SLC16A10: variants seen among roughly 807,000 people sequenced by gnomAD.
SLC16A10 encodes solute carrier family 16 member 10.
A neutral mutation model predicts 40.0 loss-of-function variants in SLC16A10; 27 were observed. That is an observed-to-expected ratio of 0.67 (90% confidence interval 0.50 to 0.93). The LOEUF is 0.93. Ranked by LOEUF, SLC16A10 falls within the 40% of genes least tolerant of loss-of-function variation. The pLI, the probability that SLC16A10 is intolerant of heterozygous loss-of-function variation, is 0.00. For missense variants in SLC16A10, 529 were observed against 658.2 expected (o/e 0.80, Z 2.15); for synonymous variants, 213 against 249.8 (o/e 0.85, Z 1.39).
Position 111,126,390 on chromosome 6 carries a change from G to A in SLC16A10, c.343+38295G>A, listed in dbSNP as rs558090033. Among the ~76,000 whole-genome samples, 4 of 152,212 alleles carry A rather than the reference G, an allele frequency of 2.6e-5. 1 individual carries two copies. The South Asian group carries it at 8.3e-4, about 32-fold the overall frequency. ...CTTTTTCACACTAATCCTTTGATTA[G>A]CTTCTTCTTATAGTTCATGCTTGTA... On this transcript the variant is annotated intron_variant, in intron 1 of 5. Coordinates refer to ENST00000368851, the MANE Select transcript of SLC16A10 (RefSeq NM_018593.5).
intron 1 of SLC16A10, among the ~76,000 whole-genome samples, chr6:111,120,607 G>A (rs1771565866): frequency 6.6e-6 from 1 of 152,050 alleles, no homozygotes; most frequent in Non-Finnish European, 1.5e-5. Flanking sequence ...TAGTTATCTT[G>A]TGAACTGGTA....
chr6:111,100,832 A>G (rs796120703), intron 1 of SLC16A10, among the ~76,000 whole-genome samples: 82 of 151,902 alleles, frequency 5.4e-4, no homozygotes, highest in African/African-American at 1.9e-3. Context: ...TAACTGATGC[A>G]TGTATGCATA....
At chr6:111,136,122 A>G (rs1476773817) in intron 1 of SLC16A10, among the ~76,000 whole-genome samples, 1 of 152,244 alleles carries the variant, frequency 6.6e-6, no homozygotes, top group African/African-American at 2.4e-5. Flanking sequence ...AAGGAAACTC[A>G]GAAAGCCAAT....
chr6:111,122,769 G>C (rs990932129), intron 1 of SLC16A10, among the ~76,000 whole-genome samples: 14 of 152,092 alleles, frequency 9.2e-5, no homozygotes, highest in Non-Finnish European at 1.6e-4. Context: ...GATGAGAAGC[G>C]ACCTCCTTAG....
intron 1 of SLC16A10, among the ~76,000 whole-genome samples, chr6:111,117,697 C>A (rs1398158817): frequency 6.6e-6 from 1 of 152,200 alleles, no homozygotes; most frequent in Non-Finnish European, 1.5e-5. Context: ...AATTAACTCA[C>A]AGCTGCCATC....
At chr6:111,169,561 A>G (rs1772543736) in intron 1 of SLC16A10, among the ~76,000 whole-genome samples, 1 of 152,244 alleles carries the variant, frequency 6.6e-6, no homozygotes, top group African/African-American at 2.4e-5. Flanking sequence ...CGTGGAAGAG[A>G]AGAAAAGCAG....
intron 1 of SLC16A10, among the ~76,000 whole-genome samples, chr6:111,171,494 A>G (rs1772584742): frequency 3.3e-5 from 5 of 152,228 alleles, no homozygotes. Context: ...TGTACAAAAG[A>G]AACACACACA....
intron 3 of SLC16A10, among the ~76,000 whole-genome samples, chr6:111,197,613 C>T (rs1309537929): frequency 1.3e-5 from 2 of 152,042 alleles, no homozygotes; most frequent in Non-Finnish European, 2.9e-5. Context: ...AAAGAAATAC[C>T]TGAGGCCGGA....
chr6:111,145,151 A>G (rs1407376906), intron 1 of SLC16A10, among the ~76,000 whole-genome samples: 1 of 152,072 alleles, frequency 6.6e-6, no homozygotes, highest in Non-Finnish European at 1.5e-5. Context: ...TTTAATATTT[A>G]AAAGAAAAGT....
chr6:111,188,365 C>G (rs1772935908), intron 3 of SLC16A10, among the ~76,000 whole-genome samples: 1 of 151,644 alleles, frequency 6.6e-6, no homozygotes, highest in Non-Finnish European at 1.5e-5. Flanking sequence ...TTGCACAATG[C>G]TTTGCTACTT....
chr6:111,160,334 G>A (rs902700861), intron 1 of SLC16A10, among the ~76,000 whole-genome samples: 25 of 152,206 alleles, frequency 1.6e-4, no homozygotes, highest in African/African-American at 6.0e-4. Flanking sequence ...CACCTCCTGG[G>A]TTCAAGCGAT....
chr6:111,135,506 C>T (rs955587400), intron 1 of SLC16A10, among the ~76,000 whole-genome samples: 1 of 152,178 alleles, frequency 6.6e-6, no homozygotes, highest in Non-Finnish European at 1.5e-5. Context: ...GTACCTAATC[C>T]TTATATTCCG....
At chr6:111,107,212 AAATC>A (rs1435415035) in intron 1 of SLC16A10, among the ~76,000 whole-genome samples, 1 of 152,218 alleles carries the variant, frequency 6.6e-6, no homozygotes, top group African/African-American at 2.4e-5. Context: ...TTTTGAACCA[AAATC>A]AACTTGTACT....
At chr6:111,162,327 C>A (rs1384486968) in intron 1 of SLC16A10, among the ~76,000 whole-genome samples, 2 of 152,174 alleles carry the variant, frequency 1.3e-5, no homozygotes, top group Admixed American at 1.3e-4. Flanking sequence ...GGGTTTGTAT[C>A]CTCAAATACC....
intron 1 of SLC16A10, among the ~76,000 whole-genome samples, chr6:111,105,963 T>A (rs1206291867): frequency 1.3e-5 from 2 of 152,184 alleles, no homozygotes; most frequent in Non-Finnish European, 2.9e-5. Flanking sequence ...TTCCAGTAAT[T>A]GTTTCATCTT....
intron 1 of SLC16A10, among the ~76,000 whole-genome samples, chr6:111,137,966 G>C (rs1451367429): frequency 6.6e-6 from 1 of 152,208 alleles, no homozygotes; most frequent in Non-Finnish European, 1.5e-5. Context: ...GAGGGACAAT[G>C]ATCAGGATAT....
At chr6:111,146,518 C>T (rs1265963130) in intron 1 of SLC16A10, among the ~76,000 whole-genome samples, 1 of 152,076 alleles carries the variant, frequency 6.6e-6, no homozygotes, top group Non-Finnish European at 1.5e-5. Flanking sequence ...GGGTGGATCA[C>T]GAGGTCAGGA....
intron 1 of SLC16A10, among the ~76,000 whole-genome samples, chr6:111,133,442 C>T (rs1427711041): frequency 6.6e-6 from 1 of 152,128 alleles, no homozygotes; most frequent in Non-Finnish European, 1.5e-5. Context: ...CAATTTGACT[C>T]TCAGATGCTA....
intron 1 of SLC16A10, among the ~76,000 whole-genome samples, chr6:111,107,898 A>C (rs913399879): frequency 1.3e-5 from 2 of 152,228 alleles, no homozygotes; most frequent in East Asian, 3.8e-4. Context: ...AAAACAAACA[A>C]ATACCCAGGG....
Sources: gnomAD v4.1 joint callset for allele counts (sites outside exome capture counted in the v4.1 genomes callset) on GRCh38, gnomAD v4.1.1 for gene constraint, MANE v1.5 for transcripts, NCBI Gene and HGNC (gene_info 2026-07-23, HGNC 2026-07-21) for gene names.